EIPR1: variants seen among roughly 807,000 people sequenced by gnomAD.
EIPR1 encodes EARP and GARP complex-interacting protein 1.
EIPR1 carries 25 observed loss-of-function variants against 48.1 expected under a neutral mutation model. That is an observed-to-expected ratio of 0.52 (90% CI 0.38 to 0.73). The LOEUF (loss-of-function observed/expected upper bound fraction) is 0.73, where lower values mean the gene tolerates loss of function less well. Among genes scored for constraint, EIPR1 ranks in the 30% least tolerant of loss-of-function variants. The pLI is 0.00. For missense variants in EIPR1, 415 were observed against 506.2 expected (o/e 0.82, Z 1.73); for synonymous variants, 204 against 201.9 (o/e 1.01, Z -0.09).
chr2:3,233,856 T>A (rs1666317561), intron 4 of EIPR1, among the ~76,000 whole-genome samples: 1 of 152,204 alleles, frequency 6.6e-6, no homozygotes, highest in Non-Finnish European at 1.5e-5. Flanking sequence ...CCCTTAGAAC[T>A]TTAAAAATCT....
At chr2:3,252,274 A>T (rs1164260249) in intron 4 of EIPR1, among the ~76,000 whole-genome samples, 2 of 152,266 alleles carry the variant, frequency 1.3e-5, no homozygotes, top group Non-Finnish European at 2.9e-5. Context: ...AGTACTGAGC[A>T]GCGGCAACTC....
chr2:3,305,108 T>C (rs1668893482), intron 3 of EIPR1, among the ~76,000 whole-genome samples: 1 of 125,416 alleles, frequency 8.0e-6, no homozygotes, highest in Admixed American at 8.3e-5. Flanking sequence ...AGTTCAGCCC[T>C]CCACTCCCGT....
At chr2:3,332,695 T>C (rs1424138931) in intron 3 of EIPR1, among the ~76,000 whole-genome samples, 1 of 152,340 alleles carries the variant, frequency 6.6e-6, no homozygotes, top group South Asian at 2.1e-4. Flanking sequence ...ATTTTTCTTA[T>C]CAAATTATCA....
chr2:3,320,270 C>G, intron 3 of EIPR1: 1 of 177,560 alleles, frequency 5.6e-6, no homozygotes, highest in East Asian at 1.9e-4. Flanking sequence ...ACCACACCTG[C>G]AGACAACACT....
chr2:3,342,988 A>T (rs1331838166), intron 2 of EIPR1, among the ~76,000 whole-genome samples: 2 of 152,232 alleles, frequency 1.3e-5, no homozygotes, highest in Non-Finnish European at 2.9e-5. Flanking sequence ...CACTATGTGA[A>T]GTATTTTATA....
chr2:3,336,752 A>C (rs1244274241), intron 3 of EIPR1, among the ~76,000 whole-genome samples: 1 of 129,208 alleles, frequency 7.7e-6, no homozygotes, highest in Non-Finnish European at 1.7e-5. Context: ...TGGGCGACAG[A>C]GTGAGACTCT....
chr2:3,237,892 G>A (rs1486415355), intron 4 of EIPR1, among the ~76,000 whole-genome samples: 12 of 152,198 alleles, frequency 7.9e-5, no homozygotes, highest in Non-Finnish European at 1.5e-5. Flanking sequence ...GTTATCAGAC[G>A]CGAAGAGATC....
chr2:3,274,594 A>C (rs1190086212), intron 3 of EIPR1, among the ~76,000 whole-genome samples: 1 of 152,184 alleles, frequency 6.6e-6, no homozygotes, highest in Admixed American at 6.5e-5. Flanking sequence ...CATATTTGGA[A>C]AATAAAGAAA....
rs1023412220 is a variant in EIPR1, at chr2:3,189,804, G to A, written c.990-296C>T. On this transcript the variant is annotated intron_variant, in intron 8 of 8. Transcript: ENST00000382125. This position sits in a 1 kb window ranked among gnomAD's most constrained non-coding sequence, Gnocchi z 4.6. ...GGTTTCTTCTGTCCTTGGCCCCCGG[G>A]TGCCTGGGTTGATATTTTGTTGGAG... Among the ~76,000 whole-genome samples the A allele has an allele frequency of 2.6e-5, 4 of 152,294 alleles. No individual in the cohort carries two copies. The highest frequency in any genetic ancestry group is 2.0e-4 in the Admixed American group (3 of 15,302).
At chr2:3,261,630 A>C (rs1234863568) in intron 3 of EIPR1, 1 of 152,244 alleles carries the variant, frequency 6.6e-6, no homozygotes, top group Non-Finnish European at 1.5e-5. Flanking sequence ...GGGGTCCAGC[A>C]ACCCAGTGTC....
intron 3 of EIPR1, among the ~76,000 whole-genome samples, chr2:3,263,252 C>T (rs1667388685): frequency 2.0e-5 from 3 of 152,256 alleles, no homozygotes; most frequent in East Asian, 1.9e-4. Context: ...CAAAAAGTGG[C>T]CCATACTCAA....
intron 1 of EIPR1, among the ~76,000 whole-genome samples, chr2:3,359,722 C>T (rs1670809269): frequency 1.3e-5 from 2 of 152,174 alleles, no homozygotes; most frequent in Admixed American, 6.5e-5. Context: ...AAAATGACCA[C>T]TAAGTCTAGT....
chr2:3,197,274 G>A (rs1240524388), intron 5 of EIPR1, among the ~76,000 whole-genome samples: 3 of 152,228 alleles, frequency 2.0e-5, no homozygotes, highest in Non-Finnish European at 4.4e-5. Flanking sequence ...TTGCTTGCAA[G>A]TATGTGATTA....
intron 6 of EIPR1, among the ~76,000 whole-genome samples, chr2:3,195,253 C>T (rs571514345): frequency 1.7e-4 from 26 of 152,360 alleles, no homozygotes; most frequent in East Asian, 7.7e-4. Context: ...CGCTGCCCAG[C>T]AGCTCCTACC....
chr2:3,240,408 G>C (rs1372548744), intron 4 of EIPR1, among the ~76,000 whole-genome samples: 4 of 150,430 alleles, frequency 2.7e-5, no homozygotes, highest in African/African-American at 9.8e-5. Flanking sequence ...AAAGCCAGCA[G>C]ATCCTTCCTA....
intron 4 of EIPR1, among the ~76,000 whole-genome samples, chr2:3,239,669 G>C (rs1046486767): frequency 6.6e-6 from 1 of 151,774 alleles, no homozygotes; most frequent in Admixed American, 6.6e-5. Flanking sequence ...TCAGCACGGT[G>C]CAGACCCTCA....
At chr2:3,284,305 G>A (rs1170985501) in intron 3 of EIPR1, among the ~76,000 whole-genome samples, 1 of 109,696 alleles carries the variant, frequency 9.1e-6, no homozygotes, top group Non-Finnish European at 2.0e-5. Flanking sequence ...CACAGGCACA[G>A]AAGGCCGTGC....
At chr2:3,330,706 T>G (rs1451216023) in intron 3 of EIPR1, among the ~76,000 whole-genome samples, 1 of 94,268 alleles carries the variant, frequency 1.1e-5, no homozygotes, top group Non-Finnish European at 2.3e-5. Context: ...GGCAGGTACA[T>G]GCACACTCAT....
intron 4 of EIPR1, among the ~76,000 whole-genome samples, chr2:3,214,950 G>C (rs572565106): frequency 3.1e-3 from 74 of 24,030 alleles, no homozygotes; most frequent in African/African-American, 5.1e-3. Context: ...TGGAGGGCAG[G>C]CTTCCTGTCT....
Sources: allele counts gnomAD v4.1 joint callset (sites outside exome capture counted in the v4.1 genomes callset), GRCh38; gene constraint gnomAD v4.1.1; non-coding constraint Gnocchi (gnomAD v3.1); transcripts MANE v1.5; gene names NCBI Gene and HGNC (gene_info 2026-07-23, HGNC 2026-07-21).